PIK3C2G: variants seen among roughly 807,000 people sequenced by gnomAD.
The protein encoded by PIK3C2G is phosphatidylinositol-4-phosphate 3-kinase catalytic subunit type 2 gamma.
PIK3C2G carries 168 observed loss-of-function variants against 181.1 expected under a neutral mutation model. The observed-to-expected ratio is 0.93, with a 90% CI of 0.82 to 1.05. PIK3C2G has a LOEUF of 1.05. Ranked by LOEUF, PIK3C2G falls within the 50% of genes least tolerant of loss-of-function variation. The pLI is 0.00. For synonymous variants in PIK3C2G, 573 were observed against 592.2 expected, an observed-to-expected ratio of 0.97 and a Z score of 0.47; for missense variants, 1,869 against 1,732.8, an observed-to-expected ratio of 1.08 and a Z score of -1.40.
intron 18 of PIK3C2G, among the ~76,000 whole-genome samples, chr12:18,470,167 T>G (rs1040647666): frequency 6.6e-6 from 1 of 152,110 alleles, no homozygotes; most frequent in Non-Finnish European, 1.5e-5. Flanking sequence ...TTTATAATAA[T>G]AGTATCATGA....
chr12:18,686,770 T>C, the PIK3C2G span, among the ~76,000 whole-genome samples: 2 of 152,064 alleles, frequency 1.3e-5, no homozygotes, highest in African/African-American at 2.4e-5. Flanking sequence ...AGTTCGTTGG[T>C]CCATATATAA....
At chr12:18,348,339 T>A (rs929753794) in intron 11 of PIK3C2G, among the ~76,000 whole-genome samples, 4 of 152,012 alleles carry the variant, frequency 2.6e-5, no homozygotes, top group African/African-American at 9.7e-5. Context: ...CGTGTGTGTG[T>A]GTGTGTGTGC....
At chr12:18,456,811 T>C (rs1947653735) in intron 18 of PIK3C2G, among the ~76,000 whole-genome samples, 1 of 152,196 alleles carries the variant, frequency 6.6e-6, no homozygotes, top group Admixed American at 6.5e-5. Flanking sequence ...ATTTGGGGGC[T>C]GCTTTTTGTT....
At chr12:18,689,211 C>A in the PIK3C2G span, among the ~76,000 whole-genome samples, 1 of 152,060 alleles carries the variant, frequency 6.6e-6, no homozygotes, top group Admixed American at 6.5e-5. Flanking sequence ...CGCTAAATAT[C>A]ACTTTACAGG....
chr12:18,667,077 A>G, the PIK3C2G span, among the ~76,000 whole-genome samples: 1 of 152,156 alleles, frequency 6.6e-6, no homozygotes, highest in Non-Finnish European at 1.5e-5. Context: ...AGTGGGGGGA[A>G]GTTGCCAGAA....
chr12:18,650,726 A>ATATCTATATC (rs1565602763), downstream of PIK3C2G, among the ~76,000 whole-genome samples: 1 of 21,534 alleles, frequency 4.6e-5, no homozygotes, highest in Non-Finnish European at 7.5e-5. Flanking sequence ...ATATATATAT[A>ATATCTATATC]TATATATATA....
intron 1 of PIK3C2G, among the ~76,000 whole-genome samples, chr12:18,265,559 C>T (rs1414739574): frequency 6.6e-6 from 1 of 152,020 alleles, no homozygotes; most frequent in Non-Finnish European, 1.5e-5. Context: ...ATAAAATGGT[C>T]TTGATGCTTT....
chr12:18,660,945 G>C, the PIK3C2G span, among the ~76,000 whole-genome samples: 1 of 151,936 alleles, frequency 6.6e-6, no homozygotes, highest in East Asian at 1.9e-4. Flanking sequence ...AAAATAAAAA[G>C]ATCAATAAAA....
At chr12:18,559,048 C>G (rs531957523) in intron 26 of PIK3C2G, among the ~76,000 whole-genome samples, 10 of 152,156 alleles carry the variant, frequency 6.6e-5, no homozygotes, top group African/African-American at 2.4e-4. Flanking sequence ...TCTGTGTTTG[C>G]ACAAATATAT....
In PIK3C2G at chr12:18,292,962, C is replaced by CA. The variant is rs532679649; in HGVS notation, c.920-935dup. 1.1e-4 allele frequency among the ~76,000 whole-genome samples: 16 copies of CA among 152,224 alleles called. No homozygotes were observed. The East Asian group carries it at 3.1e-3, about 29-fold the overall frequency. ...CTTAACACTAACTGTGTAATCTCTACAAAATTGCATAGCTTCCCTGAAAAT... is the reference window on the plus strand; with the variant it reads ...CTTAACACTAACTGTGTAATCTCTACAAAAATTGCATAGCTTCCCTGAAAAT... On this transcript the variant is annotated intron_variant, in intron 4 of 32. Coordinates refer to ENST00000538779, the MANE Select transcript of PIK3C2G (RefSeq NM_001288772.2).
At chr12:18,298,223 A>T (rs926610755) in intron 5 of PIK3C2G, among the ~76,000 whole-genome samples, 1 of 151,894 alleles carries the variant, frequency 6.6e-6, no homozygotes, top group Admixed American at 6.6e-5. Context: ...CAGCCATTCT[A>T]ACAAGGGTAA....
chr12:18,613,992 A>T (rs1432203485), intron 31 of PIK3C2G, among the ~76,000 whole-genome samples: 1 of 152,126 alleles, frequency 6.6e-6, no homozygotes, highest in Non-Finnish European at 1.5e-5. Context: ...ATATCTTTTT[A>T]AAATTAACTT....
chr12:18,336,989 A>AT (rs532082131), intron 8 of PIK3C2G, among the ~76,000 whole-genome samples: 3 of 152,166 alleles, frequency 2.0e-5, no homozygotes, highest in African/African-American at 4.8e-5. Flanking sequence ...AGAATTAAAA[A>AT]TTTTTTATGC....
At position 18,530,466 on chromosome 12, in the gene PIK3C2G, C is replaced by T. The variant is rs76647644; in HGVS notation, c.3324-7690C>T. On this transcript the variant is annotated intron_variant, in intron 24 of 32. Coordinates refer to ENST00000538779, the MANE Select transcript of PIK3C2G (RefSeq NM_001288772.2). ...TCTCCAGGCTTCATGCCATTTTGCT[C>T]GCCTTCACAAATTTCCTGGAGGAGT... Among the ~76,000 whole-genome samples, 439 of 152,282 alleles carry T rather than the reference C, an allele frequency of 2.9e-3. 4 individuals are homozygous for T. Among genetic ancestry groups the T allele is most frequent in the African/African-American group, 0.01 (422 of 41,562 alleles).
At chr12:18,368,486 G>A (rs1240135806) in intron 12 of PIK3C2G, among the ~76,000 whole-genome samples, 1 of 152,120 alleles carries the variant, frequency 6.6e-6, no homozygotes, top group South Asian at 2.1e-4. Flanking sequence ...CCTATCCGCA[G>A]ACAGTTTATA....
At chr12:18,701,900 AT>A in the PIK3C2G span, 1 of 1,350,378 alleles carries the variant, frequency 7.4e-7, no homozygotes, top group Non-Finnish European at 9.9e-7. Flanking sequence ...TAAGAACTCC[AT>A]TTTTTCCCAT....
At chr12:18,502,620 C>G (rs566915493) in intron 22 of PIK3C2G, among the ~76,000 whole-genome samples, 11 of 152,214 alleles carry the variant, frequency 7.2e-5, no homozygotes, top group South Asian at 2.1e-4. Context: ...AATAACCTTA[C>G]GAGCACAATA....
the PIK3C2G span, among the ~76,000 whole-genome samples, chr12:18,724,815 T>G: frequency 1.3e-5 from 2 of 152,134 alleles, no homozygotes; most frequent in East Asian, 3.9e-4. Context: ...AATGTGCCCG[T>G]AATCCCTGAA....
intron 26 of PIK3C2G, among the ~76,000 whole-genome samples, chr12:18,549,314 T>C (rs1323643526): frequency 6.6e-6 from 1 of 152,004 alleles, no homozygotes; most frequent in Non-Finnish European, 1.5e-5. Context: ...TATCTGAATA[T>C]GAAACAAGCC....
Sources: allele counts gnomAD v4.1 joint callset (sites outside exome capture counted in the v4.1 genomes callset), GRCh38; gene constraint gnomAD v4.1.1; transcripts MANE v1.5; gene names NCBI Gene and HGNC (gene_info 2026-07-23, HGNC 2026-07-21).